The following FLVCR1 variants were observed in gnomAD, a reference collection of about 807,000 sequenced individuals.
FLVCR1 encodes the protein choline/ethanolamine transporter FLVCR1.
Under a neutral mutation model 53.6 loss-of-function variants are expected in FLVCR1, and 34 were observed. That is an observed-to-expected ratio of 0.63 (90% CI 0.48 to 0.84). The LOEUF is 0.84. Ranked by LOEUF, FLVCR1 falls within the 40% of genes least tolerant of loss-of-function variation. The pLI is 0.00. For missense variants in FLVCR1, 677 were observed against 696.7 expected, an observed-to-expected ratio of 0.97 and a Z score of 0.32; for synonymous variants, 300 against 286.3, an observed-to-expected ratio of 1.05 and a Z score of -0.48.
chr1:212,867,367 A>C (rs1434416079), intron 2 of FLVCR1, among the ~76,000 whole-genome samples: 2 of 152,202 alleles, frequency 1.3e-5, no homozygotes, highest in Non-Finnish European at 2.9e-5. Context: ...GGCTTACTAC[A>C]TGCTGTATCT....
chr1:212,883,149 T>C (rs1002420662), intron 3 of FLVCR1, among the ~76,000 whole-genome samples: 1 of 152,178 alleles, frequency 6.6e-6, no homozygotes, highest in Non-Finnish European at 1.5e-5. Context: ...GTTCTGCTAT[T>C]ACATCTTTAG....
At chr1:212,888,695 G>C in intron 7 of FLVCR1, 101 bp downstream of exon 7, 3 of 905,218 alleles carry the variant, frequency 3.3e-6, no homozygotes, top group Non-Finnish European at 5.2e-6. Flanking sequence ...TTGTTGTTTT[G>C]TTTTTTGGAG....
chr1:212,876,990 C>A (rs1239159944), intron 3 of FLVCR1, among the ~76,000 whole-genome samples: 1 of 152,136 alleles, frequency 6.6e-6, no homozygotes, highest in African/African-American at 2.4e-5. Flanking sequence ...ACAACCTTGC[C>A]AGCATCTGTT....
intron 1 of FLVCR1, among the ~76,000 whole-genome samples, chr1:212,861,046 G>A (rs1219356482): frequency 1.3e-5 from 2 of 152,020 alleles, no homozygotes; most frequent in Non-Finnish European, 1.5e-5. Flanking sequence ...ATCTGTTCCG[G>A]GCACATCCTT....
At chr1:212,882,752 A>G (rs1664960085) in intron 3 of FLVCR1, among the ~76,000 whole-genome samples, 1 of 151,946 alleles carries the variant, frequency 6.6e-6, no homozygotes, top group Non-Finnish European at 1.5e-5. Flanking sequence ...TGTGCTTCTC[A>G]TAGCCAGTTG....
intron 2 of FLVCR1, among the ~76,000 whole-genome samples, chr1:212,870,622 T>C (rs1459440540): frequency 6.6e-6 from 1 of 151,518 alleles, no homozygotes; most frequent in Non-Finnish European, 1.5e-5. Context: ...AATAGCCAAT[T>C]AAAAAAAAAT....
At chr1:212,870,949 T>C (rs1369106433) in intron 2 of FLVCR1, among the ~76,000 whole-genome samples, 4 of 152,148 alleles carry the variant, frequency 2.6e-5, no homozygotes, top group Admixed American at 6.5e-5. Flanking sequence ...TTGTAATTTT[T>C]TGTAGAGACG....
rs12405742 is a variant in FLVCR1, at chr1:212,896,899, A to G, written c.*1609A>G. The G allele has an allele frequency of 0.61, 76,758 of 124,822 alleles. 26,157 individuals carry two copies. The highest frequency in any genetic ancestry group is 0.92 in the East Asian group (3,900 of 4,252). 7.7% of individuals were successfully genotyped at this position (124,822 alleles called of 1,614,324 possible). A position where few individuals can be genotyped will look rare whatever the true frequency, so the allele number is the denominator to read the frequency against. ...AAAAAAAAAAAAAAAGGCCAGGCGC[A>G]GTGCTGTGGCTCATGCCTGTAATCT... On this transcript the variant is annotated 3_prime_UTR_variant, in exon 10 of 10. Transcript: ENST00000366971.
chr1:212,893,038 A>C (rs1410278806), intron 8 of FLVCR1, among the ~76,000 whole-genome samples: 1 of 148,352 alleles, frequency 6.7e-6, no homozygotes, highest in Non-Finnish European at 1.5e-5. Flanking sequence ...TAAAACCTGA[A>C]GAAATGAAGG....
In FLVCR1 at chr1:212,885,590, G is replaced by A. The variant is rs546608130; in HGVS notation, c.1196+194G>A. The A allele has an allele frequency of 2.0e-4, 96 of 473,496 alleles. 1 individual carries two copies. The South Asian group carries it at 2.1e-3, about 10-fold the overall frequency. The allele number at this position is 473,496 out of a possible 1,614,324, so 29.3% of individuals were successfully genotyped here. ...TTTTGAGACGGAGTCTCGTTCTGTCGCCCAGGCTAGAGTGCAGTGGCGCAA... is the reference window on the plus strand; with the variant it reads ...TTTTGAGACGGAGTCTCGTTCTGTCACCCAGGCTAGAGTGCAGTGGCGCAA... On this transcript the variant is annotated intron_variant, in intron 5 of 9. Transcript: ENST00000366971.
chr1:212,867,804 CTTTT>C (rs34803914), intron 2 of FLVCR1, among the ~76,000 whole-genome samples: 6 of 122,980 alleles, frequency 4.9e-5, no homozygotes, highest in African/African-American at 5.6e-5. Context: ...CATAATTTTA[CTTTT>C]TTTTTTTTTT....
intron 8 of FLVCR1, among the ~76,000 whole-genome samples, chr1:212,889,852 C>T (rs1665147190): frequency 6.6e-6 from 1 of 151,916 alleles, no homozygotes; most frequent in African/African-American, 2.4e-5. Flanking sequence ...GACTTTAGAC[C>T]CGTTGCTTAA....
intron 1 of FLVCR1, among the ~76,000 whole-genome samples, chr1:212,859,818 C>T (rs1664166013): frequency 6.6e-6 from 1 of 152,054 alleles, no homozygotes; most frequent in African/African-American, 2.4e-5. Flanking sequence ...CAGTAACGAA[C>T]AAGACTTGGG....
At chr1:212,864,894 A>T (rs888322260) in intron 2 of FLVCR1, among the ~76,000 whole-genome samples, 1 of 152,314 alleles carries the variant, frequency 6.6e-6, no homozygotes, top group South Asian at 2.1e-4. Context: ...GGATCCAGGT[A>T]CAGGAAGCTC....
At chr1:212,880,540 G>A (rs999297285) in intron 3 of FLVCR1, among the ~76,000 whole-genome samples, 9 of 152,242 alleles carry the variant, frequency 5.9e-5, no homozygotes, top group Non-Finnish European at 1.3e-4. Flanking sequence ...GCACATGCCT[G>A]TAATTCCAGC....
At chr1:212,892,211 T>G (rs577601776) in intron 8 of FLVCR1, among the ~76,000 whole-genome samples, 1 of 152,338 alleles carries the variant, frequency 6.6e-6, no homozygotes, top group South Asian at 2.1e-4. Context: ...GTGGCTACAA[T>G]AAACCACAAA....
At chr1:212,883,836 C>G (rs1447319246) in intron 4 of FLVCR1, among the ~76,000 whole-genome samples, 1 of 90,620 alleles carries the variant, frequency 1.1e-5, no homozygotes, top group Non-Finnish European at 2.5e-5. Flanking sequence ...TGCTATGAAT[C>G]TCCTTTTTTT....
intron 1 of FLVCR1, among the ~76,000 whole-genome samples, chr1:212,859,492 T>C (rs1199668382): frequency 1.3e-5 from 2 of 151,748 alleles, no homozygotes; most frequent in Non-Finnish European, 2.9e-5. Flanking sequence ...CCGAGGTGGG[T>C]GGATCACTTC....
Position 212,888,598 on chromosome 1 carries a change from A to T in FLVCR1, c.1413+4A>T. 1 of 1,573,750 alleles carries T rather than the reference A, an allele frequency of 6.4e-7. No homozygotes were observed. The highest frequency in any genetic ancestry group is 8.7e-7 in the Non-Finnish European group (1 of 1,143,336). On this transcript the variant is annotated splice_donor_region_variant and intron_variant, in intron 7 of 9. Transcript: ENST00000366971. ...TCTTCTTAATGCTTCTGCACAGGTA[A>T]ACCTCTGATTTCTCTAAACCTGAGA...
Sources: allele counts gnomAD v4.1 joint callset (sites outside exome capture counted in the v4.1 genomes callset), GRCh38; gene constraint gnomAD v4.1.1; transcripts MANE v1.5; gene names NCBI Gene and HGNC (gene_info 2026-07-23, HGNC 2026-07-21).